SYCE1L: variants seen among roughly 807,000 people sequenced by gnomAD.
The protein encoded by SYCE1L is synaptonemal complex central element protein 1-like.
A neutral mutation model predicts 39.6 loss-of-function variants in SYCE1L; 51 were observed. That is an observed-to-expected ratio of 1.29 (90% confidence interval 1.03 to 1.63). The LOEUF (loss-of-function observed/expected upper bound fraction) is 1.63. SYCE1L is among the 40% of genes most tolerant of loss of function. SYCE1L has a pLI of 0.00. For missense variants in SYCE1L, 426 were observed against 304.9 expected (o/e 1.40, Z -2.96); for synonymous variants, 147 against 122.4 (o/e 1.20, Z -1.33).
intron 1 of SYCE1L, chr16:77,202,237 T>G (rs1180249111): frequency 6.6e-6 from 1 of 152,180 alleles, no homozygotes; most frequent in Non-Finnish European, 1.5e-5. Context: ...AAATAGACAC[T>G]GGAATAGTAA....
chr16:77,211,757 G>A (rs752496357), intron 7 of SYCE1L, among the ~76,000 whole-genome samples: 2 of 152,188 alleles, frequency 1.3e-5, no homozygotes, highest in Non-Finnish European at 1.5e-5. Context: ...CAGTGGGAAG[G>A]CCTCTAAGCA....
At chr16:77,201,805 T>G (rs1331424184) in intron 1 of SYCE1L, 1 of 152,112 alleles carries the variant, frequency 6.6e-6, no homozygotes, top group Non-Finnish European at 1.5e-5. Context: ...AAGTTCTAAT[T>G]TAAATGTATT....
Position 77,208,449 on chromosome 16 carries a change from TC to T in SYCE1L, c.182-13del. The T allele has an allele frequency of 6.4e-7, 1 of 1,551,690 alleles. No individual in the cohort carries two copies. Among genetic ancestry groups the T allele is most frequent in the Non-Finnish European group, 8.7e-7 (1 of 1,146,984 alleles). On this transcript the variant is annotated splice_polypyrimidine_tract_variant and intron_variant, in intron 3 of 10. Coordinates refer to ENST00000378644, the MANE Select transcript of SYCE1L (RefSeq NM_001129979.3). ...AGACTACACTCATACAGTGTCTTTT[TC>T]CCTTCTTGGCCCAGCAAAGAAGAAA...
At chr16:77,208,853 A>G (rs981797559) in intron 4 of SYCE1L, among the ~76,000 whole-genome samples, 1 of 152,166 alleles carries the variant, frequency 6.6e-6, no homozygotes, top group African/African-American at 2.4e-5. Context: ...CTTTCTCCTC[A>G]GTGTAAACCT....
intron 1 of SYCE1L, among the ~76,000 whole-genome samples, chr16:77,204,446 T>C (rs566374776): frequency 2.4e-4 from 37 of 152,278 alleles, no homozygotes; most frequent in African/African-American, 7.7e-4. Flanking sequence ...GAGGGAAATA[T>C]AGACACATAA....
At chr16:77,208,665 C>G (rs2054802653) in intron 4 of SYCE1L, 126 bp downstream of exon 4, 2 of 898,454 alleles carry the variant, frequency 2.2e-6, no homozygotes. Context: ...TTGCCTTTCA[C>G]TGTCTCATGT....
Position 77,200,291 on chromosome 16 carries a change from T to TATATATATGTATATATATAC in SYCE1L, c.61+780_61+781insTATATATGTATATATATACA. ...ATATATGTGTATATATATATATATA[T>TATATATATGTATATATATAC]ACACACACTAATCAGCCGGGCGCGG... On this transcript the variant is annotated intron_variant, in intron 1 of 10. Transcript: ENST00000378644. 15 of 111,438 alleles carry TATATATATGTATATATATAC rather than the reference T, an allele frequency of 1.3e-4. 1 individual carries two copies. Among genetic ancestry groups the TATATATATGTATATATATAC allele is most frequent in the Admixed American group, 7.0e-4 (8 of 11,452 alleles). The allele number at this position is 111,438 out of a possible 1,614,324, so 6.9% of individuals were successfully genotyped here. A position where few individuals can be genotyped will look rare whatever the true frequency, so the allele number is the denominator to read the frequency against.
In SYCE1L at chr16:77,199,505, G is replaced by C. The variant is rs77430739; in HGVS notation, c.54G>C (p.Glu18Asp). Reference protein sequence around the residue: ...LNVEAPEATEEAEGQAKSLKT... With the variant: ...LNVEAPEATEDAEGQAKSLKT... ...TGGAGGCGCCAGAAGCTACTGAGGA[G>C]GCTGAAGGTAGTGAGGGCAAGTGGG... The change falls in exon 1 of 11, where the codon GAG (glutamate) becomes GAC (aspartate). Residue 18 changes from glutamate to aspartate, a missense_variant. Glu to Asp is a conservative substitution (Grantham distance 45, BLOSUM62 2). Transcript: ENST00000378644. 1.0e-3 allele frequency: 1,629 copies of C among 1,551,430 alleles called. 24 individuals are homozygous for C. The African/African-American group carries it at 0.02, about 19-fold the overall frequency.
chr16:77,203,186 G>T (rs546388439), intron 1 of SYCE1L, among the ~76,000 whole-genome samples: 1 of 152,112 alleles, frequency 6.6e-6, no homozygotes, highest in Non-Finnish European at 1.5e-5. Flanking sequence ...AAAGCAATAC[G>T]TGAAATGTAT....
rs993337895 is a variant in SYCE1L, at chr16:77,209,481, C to T, written c.359+10C>T. 3.2e-6 allele frequency: 5 copies of T among 1,551,632 alleles called. No individual in the cohort carries two copies. The Admixed American group carries it at 7.8e-5, about 24-fold the overall frequency. On this transcript the variant is annotated intron_variant, in intron 6 of 10. Transcript: ENST00000378644. ...AAAGCGAGGCTCAGAGGTAAGAGGC[C>T]CTGCCTCAGCTCTTCCCTACCTCAT...
At chr16:77,201,344 T>C (rs1031246479) in intron 1 of SYCE1L, 3 of 152,210 alleles carry the variant, frequency 2.0e-5, no homozygotes, top group African/African-American at 7.2e-5. Context: ...TATCAACCTT[T>C]CAAATTCCTC....
At chr16:77,209,597 T>C (rs2054809120) in intron 6 of SYCE1L, 126 bp downstream of exon 6, 3 of 987,746 alleles carry the variant, frequency 3.0e-6, no homozygotes, top group Non-Finnish European at 4.5e-6. Flanking sequence ...TAGAGCAGCC[T>C]GACAAAAGAT....
In SYCE1L at chr16:77,211,240, T is replaced by C; in HGVS notation, c.387T>C (p.Asp129=). 1 of 1,551,880 alleles carries C rather than the reference T, an allele frequency of 6.4e-7. No individual in the cohort carries two copies. The change falls in exon 7 of 11, where the codon GAT becomes GAC. Residue 129 remains aspartate, a synonymous_variant. Coordinates refer to ENST00000378644, the MANE Select transcript of SYCE1L (RefSeq NM_001129979.3). ...QRLDVRGQLE[D]LMGQHKDLWE... ...TGGATGTCAGAGGACAGCTGGAGGATCTGATGGGCCAGCACAAGGACCTCT... is the reference window on the plus strand; with the variant it reads ...TGGATGTCAGAGGACAGCTGGAGGACCTGATGGGCCAGCACAAGGACCTCT...
intron 6 of SYCE1L, among the ~76,000 whole-genome samples, chr16:77,210,165 G>T (rs908843308): frequency 6.6e-6 from 1 of 152,028 alleles, no homozygotes; most frequent in South Asian, 2.1e-4. Flanking sequence ...TCATCCTCCC[G>T]AGTAGCTGAG....
In SYCE1L at chr16:77,212,148, G is replaced by C; in HGVS notation, c.442G>C (p.Ala148Pro). 1 of 1,548,938 alleles carries C rather than the reference G, an allele frequency of 6.5e-7. No homozygotes were observed. Among genetic ancestry groups the C allele is most frequent in the Non-Finnish European group, 8.7e-7 (1 of 1,146,408 alleles). The change falls in exon 8 of 11, where the codon GCC (alanine) becomes CCC (proline). Residue 148 changes from alanine to proline, a missense_variant. Physicochemically the swap from Ala to Pro is conservative, Grantham distance 27. Transcript: ENST00000378644. ...WEFHMLEQRL[A>P]REIRALERSK... ...CTCGCAGATGCTGGAGCAGCGACTGGCCCGGGAGATCCGTGCCCTGGAGAG... is the reference window on the plus strand; with the variant it reads ...CTCGCAGATGCTGGAGCAGCGACTGCCCCGGGAGATCCGTGCCCTGGAGAG...
In SYCE1L at chr16:77,207,302, A is replaced by G. The variant is rs118044070; in HGVS notation, c.121+802A>G. 6.3e-4 allele frequency among the ~76,000 whole-genome samples: 96 copies of G among 152,336 alleles called. 1 individual carries two copies. The East Asian group carries it at 0.015, about 25-fold the overall frequency. ...TTAACCCCAGAGTGTCTGAGGGGTC[A>G]GCAGTGAGATCTGGCAAGGGTTGGA... On this transcript the variant is annotated intron_variant, in intron 2 of 10. Coordinates refer to ENST00000378644, the MANE Select transcript of SYCE1L (RefSeq NM_001129979.3).
Position 77,199,471 on chromosome 16 carries a change from C to G in SYCE1L, c.20C>G (p.Pro7Arg), listed in dbSNP as rs1462892430. The part of the protein sequence containing the change: MAGKLK[P>R]LNVEAPEATE... ...TGGAAAATGGCGGGGAAGCTGAAACCTCTGAATGTGGAGGCGCCAGAAGCT... is the reference window on the plus strand; with the variant it reads ...TGGAAAATGGCGGGGAAGCTGAAACGTCTGAATGTGGAGGCGCCAGAAGCT... The change falls in exon 1 of 11, where the codon CCT becomes CGT. Residue 7 changes from proline (P) to arginine (R), a missense_variant. Coordinates refer to ENST00000378644, the MANE Select transcript of SYCE1L (RefSeq NM_001129979.3). 7 of 1,551,008 alleles carry G rather than the reference C, an allele frequency of 4.5e-6. No individual in the cohort carries two copies. In the East Asian group the frequency reaches 7.3e-5, roughly 16 times the overall value.
chr16:77,200,490 T>C (rs1158805628), intron 1 of SYCE1L: 4 of 150,024 alleles, frequency 2.7e-5, no homozygotes, highest in Non-Finnish European at 5.9e-5. Context: ...GCTTGGTGGC[T>C]TATGCCTGTA....
At chr16:77,203,702 C>G (rs2054763752) in intron 1 of SYCE1L, among the ~76,000 whole-genome samples, 1 of 146,710 alleles carries the variant, frequency 6.8e-6, no homozygotes, top group South Asian at 2.1e-4. Context: ...TCTAGTGATT[C>G]TCCTGCCTCA....
Sources: allele counts gnomAD v4.1 joint callset (sites outside exome capture counted in the v4.1 genomes callset), GRCh38; gene constraint gnomAD v4.1.1; transcripts MANE v1.5; gene names NCBI Gene and HGNC (gene_info 2026-07-23, HGNC 2026-07-21).